The following DLC1 variants were observed in gnomAD, a reference collection of about 807,000 sequenced individuals.
DLC1 encodes DLC1 Rho GTPase activating protein, also known as rho GTPase-activating protein 7.
A neutral mutation model predicts 140.3 loss-of-function variants in DLC1; 54 were observed. The observed-to-expected ratio is 0.38, with a 90% CI of 0.31 to 0.48. DLC1 has a LOEUF of 0.48. Among genes scored for constraint, DLC1 ranks in the 20% least tolerant of loss-of-function variants. The probability of loss-of-function intolerance (pLI) is 0.96; values close to 1 mark genes in which losing one functional copy is unlikely to be tolerated. For synonymous variants in DLC1, 986 were observed against 728.1 expected, an observed-to-expected ratio of 1.35 and a Z score of -5.70; for missense variants, 2,536 against 1,907.0, an observed-to-expected ratio of 1.33 and a Z score of -6.14.
chr8:13,401,321 T>C, intron 3 of DLC1, 149 bp downstream of exon 3: 1 of 893,698 alleles, frequency 1.1e-6, no homozygotes, highest in Non-Finnish European at 1.6e-6. Context: ...GCATGATGCA[T>C]AGAAGTATTT....
At position 13,435,326 on chromosome 8, in the gene DLC1, T is replaced by A. The variant is rs289618; in HGVS notation, c.1024-33707A>T. 1.9e-3 allele frequency among the ~76,000 whole-genome samples: 290 copies of A among 152,296 alleles called. 1 individual carries two copies. The highest frequency in any genetic ancestry group is 6.5e-3 in the African/African-American group (269 of 41,558). The stretch of plus-strand genomic sequence containing the variant: ...GATGAGGAGTTGTTTTTTCTTTTCT[T>A]TTTTGAGACAGAGTTTCACTCTTGT... On this transcript the variant is annotated intron_variant, in intron 2 of 17. Coordinates refer to ENST00000276297, the MANE Select transcript of DLC1 (RefSeq NM_182643.3).
intron 12 of DLC1, among the ~76,000 whole-genome samples, chr8:13,093,832 C>T (rs1818284030): frequency 2.6e-5 from 4 of 152,178 alleles, no homozygotes; most frequent in Admixed American, 1.3e-4. Flanking sequence ...TTTTAAATTA[C>T]GTTGCTGTAA....
intron 5 of DLC1, among the ~76,000 whole-genome samples, chr8:13,237,904 A>AAAAG (rs1829363839): frequency 6.6e-6 from 1 of 152,124 alleles, no homozygotes; most frequent in South Asian, 2.1e-4. Flanking sequence ...AGAAAGAAAG[A>AAAAG]AAAGAAAGAA....
At chr8:13,571,324 A>G (rs191633244) in intron 1 of DLC1, among the ~76,000 whole-genome samples, 2 of 152,210 alleles carry the variant, frequency 1.3e-5, no homozygotes, top group African/African-American at 4.8e-5. Flanking sequence ...AGAATTTTTT[A>G]TCACCTCAAA....
intron 6 of DLC1, among the ~76,000 whole-genome samples, chr8:13,111,579 A>C (rs993637047): frequency 6.6e-6 from 1 of 152,222 alleles, no homozygotes; most frequent in African/African-American, 2.4e-5. Context: ...TCTGGACTAC[A>C]TAAAAAGATC....
At chr8:13,567,782 G>C in intron 1 of DLC1, 1 of 1,551,842 alleles carries the variant, frequency 6.4e-7, no homozygotes, top group Non-Finnish European at 8.7e-7. Context: ...ATCTGGAAAA[G>C]ACTGACTGAG....
intron 5 of DLC1, among the ~76,000 whole-genome samples, chr8:13,204,428 C>T (rs954512267): frequency 2.0e-5 from 3 of 152,136 alleles, no homozygotes; most frequent in Admixed American, 1.3e-4. Context: ...CTTTAAAGTC[C>T]GCTTTAGTAT....
intron 5 of DLC1, among the ~76,000 whole-genome samples, chr8:13,143,017 T>C (rs568699642): frequency 7.2e-6 from 1 of 139,022 alleles, no homozygotes; most frequent in Non-Finnish European, 1.5e-5. Context: ...CGCTCCAGCC[T>C]GGGCAACAAA....
At chr8:13,143,448 G>A (rs979249096) in intron 5 of DLC1, among the ~76,000 whole-genome samples, 3 of 152,102 alleles carry the variant, frequency 2.0e-5, no homozygotes, top group East Asian at 1.9e-4. Flanking sequence ...GAAAAGGTCA[G>A]GTAACTTCAG....
At chr8:13,436,430 C>T (rs934411135) in intron 2 of DLC1, among the ~76,000 whole-genome samples, 1 of 152,174 alleles carries the variant, frequency 6.6e-6, no homozygotes, top group Non-Finnish European at 1.5e-5. Flanking sequence ...AAATGAGAAA[C>T]CTTGTTAGTG....
chr8:13,517,946 C>CT (rs1488709718), upstream of DLC1, among the ~76,000 whole-genome samples: 2 of 152,136 alleles, frequency 1.3e-5, no homozygotes, highest in Non-Finnish European at 2.9e-5. Context: ...TTACATCTCT[C>CT]TTTCAGGTAT....
At chr8:13,149,931 T>C (rs1396944457) in intron 5 of DLC1, among the ~76,000 whole-genome samples, 4 of 152,244 alleles carry the variant, frequency 2.6e-5, no homozygotes, top group Non-Finnish European at 5.9e-5. Flanking sequence ...ATTCTGCTGG[T>C]AACCACATAC....
intron 2 of DLC1, among the ~76,000 whole-genome samples, chr8:13,454,060 A>G (rs993791958): frequency 6.6e-6 from 1 of 152,278 alleles, no homozygotes; most frequent in African/African-American, 2.4e-5. Flanking sequence ...CTGTACTGGG[A>G]TTCCTTGAAT....
rs1836877070 is a variant in DLC1, at chr8:13,393,680, C to A, written c.1187G>T (p.Gly396Val). 1.9e-6 allele frequency: 3 copies of A among 1,613,486 alleles called. No individual in the cohort carries two copies. The highest frequency in any genetic ancestry group is 2.5e-6 in the Non-Finnish European group (3 of 1,179,868). Residue 396 changes from glycine to valine, a missense_variant, in exon 4 of 18, where the codon GGA (glycine) becomes GTA (valine). Coordinates refer to ENST00000276297, the MANE Select transcript of DLC1 (RefSeq NM_182643.3). ...LRRHVPDLESGSESGADTISV... is the reference protein window; with the variant it reads ...LRRHVPDLESVSESGADTISV... ...AATGGTATCTGCTCCACTTTCAGAT[C>A]CTGATTCCAGATCCTATTAAAAAAC...
At chr8:13,303,390 T>C (rs528718578) in intron 5 of DLC1, among the ~76,000 whole-genome samples, 2 of 152,290 alleles carry the variant, frequency 1.3e-5, no homozygotes, top group African/African-American at 4.8e-5. Flanking sequence ...AGAAAGATTA[T>C]GTAAGGAGGG....
At chr8:13,374,161 G>A (rs1353482956) in intron 4 of DLC1, among the ~76,000 whole-genome samples, 1 of 152,112 alleles carries the variant, frequency 6.6e-6, no homozygotes, top group Non-Finnish European at 1.5e-5. Flanking sequence ...TCTTGAAATA[G>A]GTCTCAGAAT....
chr8:13,215,417 C>A (rs1828146994), intron 5 of DLC1, among the ~76,000 whole-genome samples: 1 of 152,074 alleles, frequency 6.6e-6, no homozygotes, highest in African/African-American at 2.4e-5. Flanking sequence ...GAAACCCCAT[C>A]TCTACTAAAA....
chr8:13,189,160 G>A (rs1826596303), intron 5 of DLC1, among the ~76,000 whole-genome samples: 3 of 152,030 alleles, frequency 2.0e-5, no homozygotes. Flanking sequence ...TCTCTCTGCG[G>A]AAAGCTTTTA....
chr8:13,312,529 C>A lies in DLC1; in HGVS notation c.1315-7227G>T, dbSNP rs192908608. Among the ~76,000 whole-genome samples, 867 of 151,930 alleles carry A rather than the reference C, an allele frequency of 5.7e-3. 11 individuals are homozygous for A. Among genetic ancestry groups the A allele is most frequent in the Non-Finnish European group, 7.1e-3 (479 of 67,936 alleles). On this transcript the variant is annotated intron_variant, in intron 4 of 17. Coordinates refer to ENST00000276297, the MANE Select transcript of DLC1 (RefSeq NM_182643.3). The stretch of plus-strand genomic sequence containing the variant: ...TTTACAATTGATGACTTAGTCATGA[C>A]ATATCCTTCAGATATATTTTCATCT...
Sources: allele counts gnomAD v4.1 joint callset (sites outside exome capture counted in the v4.1 genomes callset), GRCh38; gene constraint gnomAD v4.1.1; transcripts MANE v1.5; gene names NCBI Gene and HGNC (gene_info 2026-07-23, HGNC 2026-07-21).